Variants in VPS54 observed in about 807,000 individuals in gnomAD.
VPS54 encodes the protein vacuolar protein sorting-associated protein 54.
In VPS54, 45 loss-of-function variants were observed where a neutral mutation model predicts 121.5. The ratio of observed to expected loss-of-function variants is 0.37; its 90% CI spans 0.29 to 0.47. The LOEUF (loss-of-function observed/expected upper bound fraction) is 0.47, where lower values mean the gene tolerates loss of function less well. Ranked by LOEUF, VPS54 falls within the 20% of genes least tolerant of loss-of-function variation. VPS54 has a pLI of 0.99. For synonymous variants in VPS54, 371 were observed against 385.8 expected, an observed-to-expected ratio of 0.96 and a Z score of 0.45; for missense variants, 1,090 against 1,131.4, an observed-to-expected ratio of 0.96 and a Z score of 0.52.
chr2:64,005,102 T>TTTTTTG (rs1678069207), intron 1 of VPS54, among the ~76,000 whole-genome samples: 1 of 101,050 alleles, frequency 9.9e-6, no homozygotes, highest in Non-Finnish European at 2.1e-5. Context: ...TTTTTTTTTT[T>TTTTTTG]TTTTTTTTTT....
intron 1 of VPS54, among the ~76,000 whole-genome samples, chr2:64,006,875 T>C (rs1678182660): frequency 6.6e-6 from 1 of 152,242 alleles, no homozygotes. Context: ...CGCCTTGGCC[T>C]CCCAAAGTGC....
At chr2:63,998,603 C>G (rs1229055283) in intron 1 of VPS54, among the ~76,000 whole-genome samples, 1 of 152,070 alleles carries the variant, frequency 6.6e-6, no homozygotes, top group African/African-American at 2.4e-5. Context: ...ATGAGGCTTG[C>G]AAATACTATC....
chr2:63,922,648 T>G (rs1296490179), intron 12 of VPS54, among the ~76,000 whole-genome samples: 2 of 152,090 alleles, frequency 1.3e-5, no homozygotes, highest in African/African-American at 4.8e-5. Context: ...ATTAAGAGAG[T>G]AGAACTAGAA....
intron 1 of VPS54, among the ~76,000 whole-genome samples, chr2:64,000,344 T>C (rs748793538): frequency 2.6e-5 from 4 of 152,256 alleles, no homozygotes; most frequent in Non-Finnish European, 5.9e-5. Flanking sequence ...CTGTTTTGAT[T>C]TCTGTTTGAA....
At chr2:64,017,450 T>C (rs1678761955) in intron 1 of VPS54, among the ~76,000 whole-genome samples, 1 of 152,192 alleles carries the variant, frequency 6.6e-6, no homozygotes, top group South Asian at 2.1e-4. Flanking sequence ...CAAAAAATTA[T>C]CTTATCCAGA....
intron 2 of VPS54, 106 bp downstream of exon 2, chr2:63,983,758 A>G (rs1205208681): frequency 1.4e-6 from 2 of 1,392,310 alleles, no homozygotes; most frequent in South Asian, 1.6e-5. Context: ...AATGATTTTT[A>G]ACATCATAAA....
intron 1 of VPS54, among the ~76,000 whole-genome samples, chr2:64,003,943 A>T (rs940440658): frequency 6.6e-6 from 1 of 152,146 alleles, no homozygotes; most frequent in African/African-American, 2.4e-5. Flanking sequence ...GGACTCTTTG[A>T]AAGAATATGT....
intron 1 of VPS54, among the ~76,000 whole-genome samples, chr2:63,985,680 TACACACACACACACACACAC>T (rs3079061): frequency 4.1e-5 from 6 of 145,040 alleles, no homozygotes; most frequent in East Asian, 2.0e-4. Flanking sequence ...TGACAAATTA[TACACACACACACACACACAC>T]ACACACACAC....
intron 15 of VPS54, among the ~76,000 whole-genome samples, chr2:63,918,431 G>C (rs150461193): frequency 6.6e-6 from 1 of 151,878 alleles, no homozygotes; most frequent in East Asian, 1.9e-4. Context: ...TAGCTTGAAA[G>C]ACTAGATGAG....
chr2:64,003,139 ATAGT>A (rs1284887265), intron 1 of VPS54, among the ~76,000 whole-genome samples: 8 of 152,334 alleles, frequency 5.3e-5, no homozygotes, highest in Middle Eastern at 6.8e-3. Context: ...ATAAGCAATG[ATAGT>A]TTGTCTACTC....
chr2:64,009,840 A>C (rs1375013096), intron 1 of VPS54, among the ~76,000 whole-genome samples: 2 of 121,154 alleles, frequency 1.7e-5, no homozygotes, highest in African/African-American at 6.3e-5. Context: ...ATTCCATATA[A>C]TTGACCCTTT....
chr2:63,918,741 C>T (rs554425875), intron 15 of VPS54, among the ~76,000 whole-genome samples: 1 of 152,042 alleles, frequency 6.6e-6, no homozygotes, highest in Admixed American at 6.6e-5. Flanking sequence ...ATTCCATGCA[C>T]CTTGCCCTGT....
chr2:63,988,352 C>G (rs1241683519), intron 1 of VPS54, among the ~76,000 whole-genome samples: 1 of 152,158 alleles, frequency 6.6e-6, no homozygotes, highest in Non-Finnish European at 1.5e-5. Context: ...ATAAATCCCA[C>G]TTGGTCATGA....
At chr2:63,943,514 T>A (rs927033512) in intron 10 of VPS54, among the ~76,000 whole-genome samples, 1 of 152,188 alleles carries the variant, frequency 6.6e-6, no homozygotes, top group Admixed American at 6.5e-5. Context: ...ATTCTGAAAT[T>A]GAGTTTTCCC....
chr2:63,924,858 C>A (rs542120752), intron 12 of VPS54, among the ~76,000 whole-genome samples: 1 of 152,208 alleles, frequency 6.6e-6, no homozygotes, highest in East Asian at 1.9e-4. Context: ...AGGTCAAAAA[C>A]ATATCCATAT....
At chr2:63,988,232 GTTTAAT>G (rs2104633380) in intron 1 of VPS54, among the ~76,000 whole-genome samples, 1 of 152,240 alleles carries the variant, frequency 6.6e-6, no homozygotes, top group South Asian at 2.1e-4. Context: ...ATGAAAGGAT[GTTTAAT>G]TTTATGACAT....
At position 63,947,504 on chromosome 2, in the gene VPS54, AG is replaced by A. The variant is rs1559013512; in HGVS notation, c.1138-15del. ...TATTAGTCTTTCCTGTTAAAATAAA[AG>A]TATGTAACTTGACATTTTAAATATG... On this transcript the variant is annotated splice_polypyrimidine_tract_variant and intron_variant, in intron 8 of 22. Coordinates refer to ENST00000272322, the MANE Select transcript of VPS54 (RefSeq NM_016516.3). 1 of 1,465,200 alleles carries A rather than the reference AG, an allele frequency of 6.8e-7. No homozygotes were observed. Among genetic ancestry groups the A allele is most frequent in the South Asian group, 1.2e-5 (1 of 80,750 alleles). The allele number at this position is 1,465,200 out of a possible 1,614,324, so 90.8% of individuals were successfully genotyped here.
intron 3 of VPS54, 93 bp downstream of exon 3, chr2:63,981,553 C>G: frequency 7.2e-7 from 1 of 1,398,446 alleles, no homozygotes; most frequent in Non-Finnish European, 9.6e-7. Context: ...ATAGGTTCAT[C>G]AAACATTACT....
At chr2:63,976,191 A>T (rs1427728262) in intron 3 of VPS54, among the ~76,000 whole-genome samples, 1 of 151,872 alleles carries the variant, frequency 6.6e-6, no homozygotes, top group Non-Finnish European at 1.5e-5. Flanking sequence ...AATATGCAAA[A>T]ATTAGCCAGG....
Sources: gnomAD v4.1 joint callset for allele counts (sites outside exome capture counted in the v4.1 genomes callset) on GRCh38, gnomAD v4.1.1 for gene constraint, MANE v1.5 for transcripts, NCBI Gene and HGNC (gene_info 2026-07-23, HGNC 2026-07-21) for gene names.